The following ZNF185 variants were observed in gnomAD, a reference collection of about 807,000 sequenced individuals.
ZNF185 encodes the protein zinc finger protein 185 with LIM domain.
Under a neutral mutation model 58.6 loss-of-function variants are expected in ZNF185, and 56 were observed. That is an observed-to-expected ratio of 0.95 (90% CI 0.77 to 1.19). ZNF185 has a LOEUF of 1.19. Among genes scored for constraint, ZNF185 ranks in the 50% most tolerant of loss-of-function variants. The pLI is 0.00. For synonymous variants in ZNF185, 230 were observed against 215.9 expected (o/e 1.07, Z -0.57); for missense variants, 627 against 573.5 (o/e 1.09, Z -0.95).
chrX:152,949,798 A>G (rs1231833875), intron 16 of ZNF185, among the ~76,000 whole-genome samples: 1 of 111,839 alleles, frequency 8.9e-6, no homozygotes, highest in African/African-American at 3.3e-5. Flanking sequence ...CCTTGTCATT[A>G]TTTTTAAATG....
chrX:152,923,903 TG>T (rs1556871051), intron 11 of ZNF185, among the ~76,000 whole-genome samples: 2 of 111,282 alleles, frequency 1.8e-5, no homozygotes. Context: ...TTGAGGGATA[TG>T]GGGGCAAAGG....
chrX:152,922,256 G>A (rs782110359), exon 10 of ZNF185: 4 of 1,176,920 alleles, frequency 3.4e-6, no homozygotes, highest in Admixed American at 4.9e-5. Context: ...GGCTCAAACA[G>A]GTAATCCATT....
upstream of ZNF185, among the ~76,000 whole-genome samples, chrX:152,912,836 G>A (rs782291999): frequency 1.8e-5 from 2 of 112,371 alleles, no homozygotes; most frequent in Admixed American, 1.9e-4. Flanking sequence ...ACAGGTTGCT[G>A]GGATGGGGAC....
chrX:152,970,299 T>C (rs944714511), intron 21 of ZNF185, 144 bp from the exon 24 acceptor site: 45 of 460,077 alleles, frequency 9.8e-5, no homozygotes, highest in Non-Finnish European at 1.6e-4. Flanking sequence ...TATTATTTTG[T>C]GATGTTTGCA....
chrX:152,922,144 A>T (rs1275170553), intron 9 of ZNF185, 29 bp from the exon 11 acceptor site: 2 of 1,175,512 alleles, frequency 1.7e-6, no homozygotes, highest in East Asian at 6.3e-5. Flanking sequence ...CAAGAAGACC[A>T]CGAGCGCTGT....
chrX:152,946,742 C>A (rs1401494732), intron 16 of ZNF185, among the ~76,000 whole-genome samples: 2 of 111,881 alleles, frequency 1.8e-5, no homozygotes, highest in African/African-American at 6.5e-5. Context: ...GAAGGCATTC[C>A]GAGTGGAGGC....
At chrX:152,898,207 C>CA in the ZNF185 span, among the ~76,000 whole-genome samples, 1 of 110,867 alleles carries the variant, frequency 9.0e-6, no homozygotes, top group Non-Finnish European at 1.9e-5. Flanking sequence ...CCCGACCCTC[C>CA]ACCCGCCCCA....
chrX:152,941,644 A>G (rs925141005), intron 15 of ZNF185: 11 of 1,149,798 alleles, frequency 9.6e-6, no homozygotes, highest in Admixed American at 2.7e-5. Flanking sequence ...GTAGGCCGCC[A>G]TTTCTTGAAG....
chrX:152,917,284 G>T lies in ZNF185; in HGVS notation c.264-1G>T, dbSNP rs782151552. 8.3e-7 allele frequency: 1 copy of T among 1,211,671 alleles called. No homozygotes were observed. The highest frequency in any genetic ancestry group is 2.2e-5 in the Admixed American group (1 of 46,116). On this transcript the variant is annotated splice_acceptor_variant, in intron 4 of 22. Transcript: ENST00000449285. LOFTEE classifies it high-confidence loss of function. The stretch of plus-strand genomic sequence containing the variant: ...CCGGCATCTCCTGGGCTCTCTTTCA[G>T]GGGAGTGTTCACCAAGCCCATAGAC...
At chrX:152,927,350 T>G (rs1480537383) in intron 11 of ZNF185, among the ~76,000 whole-genome samples, 1 of 111,402 alleles carries the variant, frequency 9.0e-6, no homozygotes, top group African/African-American at 3.3e-5. Flanking sequence ...CTCTGGTCAC[T>G]TTGAGCACTC....
rs1941348921 is a variant in ZNF185, at chrX:152,928,671, T to C, written c.917+10T>C. 1 of 1,206,228 alleles carries C rather than the reference T, an allele frequency of 8.3e-7. No individual in the cohort carries two copies. Among genetic ancestry groups the C allele is most frequent in the Non-Finnish European group, 1.1e-6 (1 of 891,381 alleles). ...ACGTGGAAGGCATGAGGTATGGGGG[T>C]CCTGCTGCTGTCCTGGCTCCCTGGA... On this transcript the variant is annotated intron_variant, in intron 12 of 22. Coordinates refer to ENST00000449285, the Ensembl canonical transcript of ZNF185.
chrX:152,958,645 T>C, intron 16 of ZNF185, among the ~76,000 whole-genome samples: 1 of 107,960 alleles, frequency 9.3e-6, no homozygotes, highest in Non-Finnish European at 1.9e-5. Flanking sequence ...AGTCCCAGAA[T>C]CTCTGGAACC....
chrX:152,905,721 G>A, the ZNF185 span, among the ~76,000 whole-genome samples: 12 of 109,541 alleles, frequency 1.1e-4, no homozygotes, highest in African/African-American at 3.7e-4. Context: ...CTTGGGGGGG[G>A]GGCGGGGTCA....
chrX:152,916,993 C>T (rs1347969550), intron 3 of ZNF185, 138 bp from the exon 5 acceptor site: 1 of 858,289 alleles, frequency 1.2e-6, no homozygotes, highest in Non-Finnish European at 1.7e-6. Flanking sequence ...GGCTGGCACC[C>T]CTCGTTTCTG....
chrX:152,904,396 C>G, the ZNF185 span, among the ~76,000 whole-genome samples: 1 of 112,783 alleles, frequency 8.9e-6, no homozygotes, highest in Non-Finnish European at 1.9e-5. Context: ...GGTGCCTGCT[C>G]CATCCCCTTC....
chrX:152,928,790 G>A, intron 12 of ZNF185, 129 bp downstream of exon 13: 2 of 649,772 alleles, frequency 3.1e-6, no homozygotes, highest in South Asian at 5.9e-5. Flanking sequence ...TTGATGGGAG[G>A]CATGGTCGAC....
chrX:152,964,859 G>A (rs2049950084), intron 18 of ZNF185, among the ~76,000 whole-genome samples: 1 of 111,120 alleles, frequency 9.0e-6, no homozygotes, highest in Admixed American at 9.5e-5. Flanking sequence ...AAAATTTGGG[G>A]CCATCCTGAG....
chrX:152,945,383 C>T, exon 16 of ZNF185: 1 of 1,207,803 alleles, frequency 8.3e-7, no homozygotes, highest in African/African-American at 1.7e-5. Flanking sequence ...GCTCAGCAAC[C>T]TGCAGATCCC....
At chrX:152,933,493 G>A (rs1348620819) in intron 14 of ZNF185, among the ~76,000 whole-genome samples, 1 of 112,042 alleles carries the variant, frequency 8.9e-6, no homozygotes, top group Non-Finnish European at 1.9e-5. Flanking sequence ...AGAGACCAGC[G>A]TGTCCAGCTG....
Sources: gnomAD v4.1 joint callset for allele counts (sites outside exome capture counted in the v4.1 genomes callset) on GRCh38, gnomAD v4.1.1 for gene constraint, MANE v1.5 for transcripts, NCBI Gene and HGNC (gene_info 2026-07-23, HGNC 2026-07-21) for gene names.